The following TSPAN9 variants were observed in gnomAD, a reference collection of about 807,000 sequenced individuals.
The protein encoded by TSPAN9 is tetraspanin 9.
A neutral mutation model predicts 31.0 loss-of-function variants in TSPAN9; 16 were observed. The observed-to-expected ratio is 0.52, with a 90% CI of 0.35 to 0.78. The LOEUF is 0.78. Among genes scored for constraint, TSPAN9 ranks in the 30% least tolerant of loss-of-function variants. TSPAN9 has a pLI of 0.01. For missense variants in TSPAN9, 272 were observed against 312.5 expected, an observed-to-expected ratio of 0.87 and a Z score of 0.98; for synonymous variants, 145 against 121.6, an observed-to-expected ratio of 1.19 and a Z score of -1.27.
chr12:3,200,329 C>G (rs1190821168), intron 2 of TSPAN9: 1 of 152,208 alleles, frequency 6.6e-6, no homozygotes, highest in Non-Finnish European at 1.5e-5. Flanking sequence ...ATTTCAGAGT[C>G]GCGAGTCGGG....
intron 2 of TSPAN9, among the ~76,000 whole-genome samples, chr12:3,097,274 T>C (rs2098309597): frequency 6.6e-6 from 1 of 152,004 alleles, no homozygotes; most frequent in Non-Finnish European, 1.5e-5. Context: ...CCCAGCAGAG[T>C]CTGTGGGCAG....
At chr12:3,177,972 G>A (rs957739148) in intron 2 of TSPAN9, among the ~76,000 whole-genome samples, 2 of 152,148 alleles carry the variant, frequency 1.3e-5, no homozygotes, top group African/African-American at 2.4e-5. Flanking sequence ...TGGGTCTCTG[G>A]GCAGATGGTT....
chr12:3,245,713 C>T (rs1359144015), intron 3 of TSPAN9, among the ~76,000 whole-genome samples: 2 of 152,206 alleles, frequency 1.3e-5, no homozygotes, highest in Admixed American at 6.5e-5. Flanking sequence ...GCTTTGCTCA[C>T]AGCACCTGGG....
At chr12:3,089,299 A>ATTTTT (rs71057897) in intron 2 of TSPAN9, among the ~76,000 whole-genome samples, 1 of 128,880 alleles carries the variant, frequency 7.8e-6, no homozygotes, top group Non-Finnish European at 1.6e-5. Context: ...TTCAAGGTGA[A>ATTTTT]TTTTTTTTTT....
intron 2 of TSPAN9, chr12:3,173,609 C>T (rs772315813): frequency 6.6e-6 from 1 of 152,270 alleles, no homozygotes; most frequent in Non-Finnish European, 1.5e-5. Flanking sequence ...GATCCTCCAA[C>T]CTCAGCCTTC....
chr12:3,096,433 C>CTTTTTTTTTTTTTTTTT (rs1302577208), intron 2 of TSPAN9, among the ~76,000 whole-genome samples: 1 of 152,234 alleles, frequency 6.6e-6, no homozygotes. Flanking sequence ...TGCATTGTCT[C>CTTTTTTTTTTTTTTTTT]TTTATTCCTT....
chr12:3,124,205 A>G (rs1010355850), intron 2 of TSPAN9, among the ~76,000 whole-genome samples: 2 of 152,258 alleles, frequency 1.3e-5, no homozygotes, highest in Non-Finnish European at 2.9e-5. Flanking sequence ...ATATAGTCCC[A>G]TTTATGTCTA....
intron 3 of TSPAN9, among the ~76,000 whole-genome samples, chr12:3,203,786 T>A (rs1307427301): frequency 1.3e-5 from 2 of 152,198 alleles, no homozygotes; most frequent in Admixed American, 6.5e-5. Flanking sequence ...TTCATGCTTG[T>A]GTGTAAGAGT....
intron 3 of TSPAN9, among the ~76,000 whole-genome samples, chr12:3,275,717 C>A (rs1169686983): frequency 6.6e-6 from 1 of 152,228 alleles, no homozygotes; most frequent in Non-Finnish European, 1.5e-5. Context: ...TGTGCCCATT[C>A]TTTGGGAGCC....
At chr12:3,252,646 C>G (rs951942308) in intron 3 of TSPAN9, among the ~76,000 whole-genome samples, 1 of 152,344 alleles carries the variant, frequency 6.6e-6, no homozygotes, top group African/African-American at 2.4e-5. Flanking sequence ...GTTTGGGAAG[C>G]CTTCCCTGGT....
chr12:3,277,163 C>T (rs1862804562), intron 3 of TSPAN9, among the ~76,000 whole-genome samples: 1 of 152,218 alleles, frequency 6.6e-6, no homozygotes, highest in Non-Finnish European at 1.5e-5. Flanking sequence ...ATGATATTCT[C>T]ACTCTGCATA....
chr12:3,260,219 T>C (rs1199630489), intron 3 of TSPAN9, among the ~76,000 whole-genome samples: 1 of 152,254 alleles, frequency 6.6e-6, no homozygotes, highest in African/African-American at 2.4e-5. Flanking sequence ...GACATAGTTT[T>C]TGGCATAGTT....
At chr12:3,231,777 G>T (rs987216051) in intron 3 of TSPAN9, among the ~76,000 whole-genome samples, 1 of 152,220 alleles carries the variant, frequency 6.6e-6, no homozygotes, top group Non-Finnish European at 1.5e-5. Flanking sequence ...CTTTCACTTT[G>T]GGGGCTGTCT....
intron 2 of TSPAN9, among the ~76,000 whole-genome samples, chr12:3,151,999 T>A (rs1442423625): frequency 6.6e-6 from 1 of 152,190 alleles, no homozygotes; most frequent in Non-Finnish European, 1.5e-5. Context: ...TAAGTAAATT[T>A]CCTGCAAATG....
At chr12:3,219,586 T>G (rs2098383205) in intron 3 of TSPAN9, among the ~76,000 whole-genome samples, 1 of 151,944 alleles carries the variant, frequency 6.6e-6, no homozygotes, top group African/African-American at 2.4e-5. Flanking sequence ...AAAGATTTGT[T>G]TGTACATCTT....
At chr12:3,198,850 T>TCACCACCTGCACAGGC (rs2098369387) in intron 2 of TSPAN9, among the ~76,000 whole-genome samples, 1 of 89,566 alleles carries the variant, frequency 1.1e-5, no homozygotes, top group Non-Finnish European at 2.2e-5. Context: ...CCAGCACAGG[T>TCACCACCTGCACAGGC]CACCACCAGC....
At position 3,253,643 on chromosome 12, in the gene TSPAN9, G is replaced by A. The variant is rs1446063503; in HGVS notation, c.64-24778G>A. 2.0e-5 allele frequency among the ~76,000 whole-genome samples: 3 copies of A among 152,210 alleles called. No homozygotes were observed. The East Asian group carries it at 5.8e-4, about 29-fold the overall frequency. On this transcript the variant is annotated intron_variant, in intron 3 of 8. Coordinates refer to ENST00000011898, the MANE Select transcript of TSPAN9 (RefSeq NM_006675.5). The stretch of plus-strand genomic sequence containing the variant: ...GCCAGCGATCAGCCCAGGTCCACTC[G>A]GGTAGAAATGGCAATCTTCATTAAA...
intron 3 of TSPAN9, among the ~76,000 whole-genome samples, chr12:3,255,074 C>T (rs1026637629): frequency 6.6e-6 from 1 of 152,228 alleles, no homozygotes; most frequent in African/African-American, 2.4e-5. Flanking sequence ...TTCAGCTCCC[C>T]TTTGTCCCCC....
intron 2 of TSPAN9, among the ~76,000 whole-genome samples, chr12:3,141,069 TTC>T (rs1174172771): frequency 6.6e-6 from 1 of 151,772 alleles, no homozygotes; most frequent in African/African-American, 2.4e-5. Context: ...AGCCGTGAGA[TTC>T]AGTTGACGAG....
Sources: gnomAD v4.1 joint callset for allele counts (sites outside exome capture counted in the v4.1 genomes callset) on GRCh38, gnomAD v4.1.1 for gene constraint, MANE v1.5 for transcripts, NCBI Gene and HGNC (gene_info 2026-07-23, HGNC 2026-07-21) for gene names.